Variants in STARD13 observed in about 807,000 individuals in gnomAD.
STARD13 encodes the protein stAR-related lipid transfer protein 13.
A neutral mutation model predicts 106.4 loss-of-function variants in STARD13; 62 were observed. The ratio of observed to expected loss-of-function variants is 0.58; its 90% CI spans 0.48 to 0.72. STARD13 has a LOEUF of 0.72. Ranked by LOEUF, STARD13 falls within the 30% of genes least tolerant of loss-of-function variation. The pLI is 0.00. For missense variants in STARD13, 1,387 were observed against 1,424.0 expected, an observed-to-expected ratio of 0.97 and a Z score of 0.42; for synonymous variants, 565 against 553.0, an observed-to-expected ratio of 1.02 and a Z score of -0.31.
At chr13:33,629,251 C>T in the STARD13 span, among the ~76,000 whole-genome samples, 6 of 152,188 alleles carry the variant, frequency 3.9e-5, no homozygotes, top group Non-Finnish European at 5.9e-5. Context: ...GGTAAGACAA[C>T]AATAATGTCA....
chr13:33,616,184 T>G, the STARD13 span, among the ~76,000 whole-genome samples: 120 of 96,430 alleles, frequency 1.2e-3, no homozygotes, highest in Admixed American at 2.1e-3. Context: ...GGGAGGGAAA[T>G]GGAGGGGAGA....
intron 1 of STARD13, among the ~76,000 whole-genome samples, chr13:33,226,205 A>G (rs1444324917): frequency 6.6e-6 from 1 of 152,234 alleles, no homozygotes; most frequent in Non-Finnish European, 1.5e-5. Context: ...AGTCTATGGC[A>G]TTTTGTTACG....
At chr13:33,547,007 A>AT in the STARD13 span, among the ~76,000 whole-genome samples, 8 of 152,338 alleles carry the variant, frequency 5.3e-5, no homozygotes, top group Admixed American at 5.2e-4. Flanking sequence ...AACTTTACTA[A>AT]TTTGAGCCCT....
At chr13:33,453,316 T>A in the STARD13 span, among the ~76,000 whole-genome samples, 229 of 152,298 alleles carry the variant, frequency 1.5e-3, no homozygotes, top group Non-Finnish European at 2.8e-3. Context: ...TATACGCCAA[T>A]AGAGAATAAC....
chr13:33,244,653 A>G (rs1165724800), intron 1 of STARD13, among the ~76,000 whole-genome samples: 1 of 152,116 alleles, frequency 6.6e-6, no homozygotes, highest in Non-Finnish European at 1.5e-5. Flanking sequence ...ACTCTGAGAC[A>G]AGAAGCCCAG....
chr13:33,215,778 T>C (rs1255142486), intron 1 of STARD13, among the ~76,000 whole-genome samples: 1 of 152,190 alleles, frequency 6.6e-6, no homozygotes, highest in Admixed American at 6.5e-5. Context: ...ATATGGTTGG[T>C]ATCAGAATGG....
intron 3 of STARD13, among the ~76,000 whole-genome samples, chr13:33,152,091 G>A (rs1881359242): frequency 6.6e-6 from 1 of 152,188 alleles, no homozygotes; most frequent in Non-Finnish European, 1.5e-5. Flanking sequence ...ACTTGGGAAT[G>A]GTCCACATAT....
the STARD13 span, among the ~76,000 whole-genome samples, chr13:33,662,630 A>C: frequency 0.046 from 6,933 of 152,248 alleles, 534 homozygotes; most frequent in African/African-American, 0.16. Flanking sequence ...TCTATTGGAA[A>C]CAAACCTCCC....
intron 3 of STARD13, 52 bp downstream of exon 3, chr13:33,165,285 C>T: frequency 1.5e-6 from 2 of 1,336,576 alleles, no homozygotes; most frequent in Non-Finnish European, 2.2e-6. Context: ...TATAGTGATG[C>T]CTGTTGCAGA....
the STARD13 span, among the ~76,000 whole-genome samples, chr13:33,593,427 C>T: frequency 6.6e-6 from 1 of 152,034 alleles, no homozygotes; most frequent in African/African-American, 2.4e-5. Flanking sequence ...TCAGGTGATC[C>T]CCGCCTTGGC....
chr13:33,122,130 G>A (rs764728987), intron 7 of STARD13, among the ~76,000 whole-genome samples: 15 of 152,158 alleles, frequency 9.9e-5, no homozygotes, highest in Non-Finnish European at 1.8e-4. Context: ...ACAGGCGTGA[G>A]CCACTGCACC....
the STARD13 span, among the ~76,000 whole-genome samples, chr13:33,417,893 A>T: frequency 6.6e-6 from 1 of 152,182 alleles, no homozygotes; most frequent in East Asian, 1.9e-4. Flanking sequence ...AAAATTATTG[A>T]CTTATACATT....
At chr13:33,386,127 G>T in the STARD13 span, among the ~76,000 whole-genome samples, 1 of 152,050 alleles carries the variant, frequency 6.6e-6, no homozygotes, top group Admixed American at 6.5e-5. Context: ...TGAACCATTT[G>T]TTCCTCACCC....
chr13:33,109,925 ACTGGTAGAT>A lies in STARD13; in HGVS notation c.2986_2994del (p.Ile996_Gln998del). The A allele has an allele frequency of 6.2e-7, 1 of 1,614,236 alleles. No individual in the cohort carries two copies. ...TGGGGAGCCATGCTGTTCAGCACAT[ACTGGTAGAT>A]CTCTGTTTGCCTGTCTAGAGTTTCC... On this transcript the variant is annotated inframe_deletion, in exon 12 of 14. Coordinates refer to ENST00000336934, the MANE Select transcript of STARD13 (RefSeq NM_178006.4).
chr13:33,530,687 A>G, the STARD13 span, among the ~76,000 whole-genome samples: 1 of 152,186 alleles, frequency 6.6e-6, no homozygotes, highest in Non-Finnish European at 1.5e-5. Context: ...GCTTCCATCA[A>G]GAGGTATATA....
the STARD13 span, among the ~76,000 whole-genome samples, chr13:33,372,501 G>C: frequency 7.3e-6 from 1 of 136,446 alleles, no homozygotes; most frequent in Non-Finnish European, 1.6e-5. Context: ...CCTTCTGAAT[G>C]ACTTTCTCTT....
At chr13:33,491,510 T>C in the STARD13 span, among the ~76,000 whole-genome samples, 1 of 152,202 alleles carries the variant, frequency 6.6e-6, no homozygotes, top group African/African-American at 2.4e-5. Flanking sequence ...AGAGTCTATA[T>C]GGTACATTTC....
chr13:33,667,039 T>C, the STARD13 span, among the ~76,000 whole-genome samples: 1 of 152,260 alleles, frequency 6.6e-6, no homozygotes, highest in African/African-American at 2.4e-5. Flanking sequence ...CCAAACATCA[T>C]GTAGACTGAA....
intron 1 of STARD13, among the ~76,000 whole-genome samples, chr13:33,261,043 AAAG>A (rs1890616126): frequency 6.6e-6 from 1 of 152,232 alleles, no homozygotes; most frequent in Non-Finnish European, 1.5e-5. Context: ...TACAATCTTC[AAAG>A]AAGACTCTGG....
Sources: gnomAD v4.1 joint callset for allele counts (sites outside exome capture counted in the v4.1 genomes callset) on GRCh38, gnomAD v4.1.1 for gene constraint, MANE v1.5 for transcripts, NCBI Gene and HGNC (gene_info 2026-07-23, HGNC 2026-07-21) for gene names.